Variants in ATRNL1 observed in about 807,000 individuals in gnomAD.
The protein encoded by ATRNL1 is attractin-like protein 1.
ATRNL1 carries 95 observed loss-of-function variants against 182.7 expected under a neutral mutation model. The ratio of observed to expected loss-of-function variants is 0.52; its 90% confidence interval spans 0.44 to 0.62. The LOEUF is 0.62. Among genes scored for constraint, ATRNL1 ranks in the 20% least tolerant of loss-of-function variants. The probability of loss-of-function intolerance (pLI) is 0.00; values close to 1 mark genes in which losing one functional copy is unlikely to be tolerated. For synonymous variants in ATRNL1, 576 were observed against 568.3 expected, an observed-to-expected ratio of 1.01 and a Z score of -0.19; for missense variants, 1,471 against 1,679.5, an observed-to-expected ratio of 0.88 and a Z score of 2.17.
chr10:115,216,683 A>G (rs1032953909), intron 9 of ATRNL1, among the ~76,000 whole-genome samples: 1 of 151,854 alleles, frequency 6.6e-6, no homozygotes, highest in African/African-American at 2.4e-5. Context: ...CTGGGAAATG[A>G]CTTTTTTTTC....
intron 6 of ATRNL1, among the ~76,000 whole-genome samples, chr10:115,161,542 G>T (rs1374782839): frequency 2.6e-5 from 4 of 152,018 alleles, no homozygotes; most frequent in Non-Finnish European, 4.4e-5. Context: ...GTAAGACAAA[G>T]AGCAACATTG....
rs376095311 is a variant in ATRNL1, at chr10:115,096,599, A to G, written c.293+2556A>G. The G allele has an allele frequency of 2.6e-6, 3 of 1,163,220 alleles. No individual in the cohort carries two copies. In the East Asian group the frequency reaches 1.7e-4, roughly 67 times the overall value. The allele number at this position is 1,163,220 out of a possible 1,614,324, so 72.1% of individuals were successfully genotyped here. A position where few individuals can be genotyped will look rare whatever the true frequency, so the allele number is the denominator to read the frequency against. On this transcript the variant is annotated intron_variant, in intron 1 of 28. Transcript: ENST00000355044. ...TCAATCTTGGTAAGCAGGTGTCAAA[A>G]TTAATTGGTTGGCTCCATGGTAACT...
intron 27 of ATRNL1, among the ~76,000 whole-genome samples, chr10:115,844,181 G>C (rs886727441): frequency 2.0e-5 from 3 of 152,116 alleles, no homozygotes; most frequent in African/African-American, 7.2e-5. Flanking sequence ...GTCCTTGAAT[G>C]TTCTACTAAA....
At chr10:115,736,471 G>A (rs943318845) in intron 27 of ATRNL1, among the ~76,000 whole-genome samples, 3 of 151,556 alleles carry the variant, frequency 2.0e-5, no homozygotes, top group East Asian at 3.9e-4. Flanking sequence ...TTTTCATTCC[G>A]AATAAAATTA....
chr10:115,328,891 T>G (rs1855056428), intron 18 of ATRNL1, among the ~76,000 whole-genome samples: 1 of 152,130 alleles, frequency 6.6e-6, no homozygotes, highest in Non-Finnish European at 1.5e-5. Flanking sequence ...ATCCTATATT[T>G]TGGTTATTGT....
rs71895625 is a variant in ATRNL1 at position 115,442,270 on chromosome 10, GCT to G, written c.3322+16001_3322+16002del. Among the ~76,000 whole-genome samples, 387 of 100,202 alleles carry G rather than the reference GCT, an allele frequency of 3.9e-3. 2 individuals carry two copies. Among genetic ancestry groups the G allele is most frequent in the Middle Eastern group, 0.03 (5 of 164 alleles). 65.7% of individuals were successfully genotyped at this position (100,202 alleles called of 152,430 possible). On this transcript the variant is annotated intron_variant, in intron 21 of 28. Transcript: ENST00000355044. ...CGCAGCTTCATTTTCATTTGTGTTT[GCT>G]CTCTCTCTCTCTCTCTCTCTCTCTC...
chr10:115,381,526 G>C (rs1858008129), intron 19 of ATRNL1, among the ~76,000 whole-genome samples: 1 of 150,278 alleles, frequency 6.7e-6, no homozygotes, highest in Non-Finnish European at 1.5e-5. Context: ...GCCCGTCTCG[G>C]CCTTCCAAAG....
In ATRNL1 at chr10:115,720,767, G is replaced by A. The variant is rs567049311; in HGVS notation, c.3796-6481G>A. Among the ~76,000 whole-genome samples, 59 of 152,332 alleles carry A rather than the reference G, an allele frequency of 3.9e-4. 1 individual carries two copies. The South Asian group carries it at 0.011, about 29-fold the overall frequency. On this transcript the variant is annotated intron_variant, in intron 26 of 28. Transcript: ENST00000355044. ...ATAAATGAAATGTTTCCAATTAAAT[G>A]TCTGAGCTTTGAACTAATTCTGCCT...
chr10:115,416,960 A>G (rs539654864), intron 20 of ATRNL1, among the ~76,000 whole-genome samples: 1 of 152,322 alleles, frequency 6.6e-6, no homozygotes, highest in South Asian at 2.1e-4. Context: ...TCTTCACAAC[A>G]ACAAGAACTC....
intron 19 of ATRNL1, among the ~76,000 whole-genome samples, chr10:115,346,755 A>AAGTTC (rs1418549894): frequency 1.5e-4 from 23 of 152,154 alleles, no homozygotes; most frequent in Admixed American, 1.2e-3. Context: ...TGAATTGAAA[A>AAGTTC]AGTTCTATAT....
At chr10:115,448,606 T>C (rs999415388) in intron 21 of ATRNL1, among the ~76,000 whole-genome samples, 2 of 151,486 alleles carry the variant, frequency 1.3e-5, no homozygotes, top group Non-Finnish European at 2.9e-5. Flanking sequence ...ACATCACAAC[T>C]GAAATAATTA....
chr10:115,741,495 A>G (rs1206657696), intron 27 of ATRNL1, among the ~76,000 whole-genome samples: 1 of 152,192 alleles, frequency 6.6e-6, no homozygotes, highest in Admixed American at 6.5e-5. Context: ...TAGCAAATAT[A>G]GGAGCATATC....
intron 20 of ATRNL1, among the ~76,000 whole-genome samples, chr10:115,423,841 C>G (rs1245686816): frequency 1.3e-5 from 2 of 152,146 alleles, no homozygotes; most frequent in Non-Finnish European, 2.9e-5. Flanking sequence ...GGAGGTAACA[C>G]TTTATTACAT....
At chr10:115,880,849 G>A (rs937977441) in intron 28 of ATRNL1, among the ~76,000 whole-genome samples, 2 of 152,142 alleles carry the variant, frequency 1.3e-5, no homozygotes, top group Admixed American at 1.3e-4. Flanking sequence ...AGGTTTGAAA[G>A]GACTGCTTTA....
rs1026713245 is a variant in ATRNL1, at chr10:115,308,373, T to C, written c.2818+6330T>C. ...AGTCCCAAATGTATAAAGGTTCAAA[T>C]GAAAATTCAATTAAATTTGTATAGT... On this transcript the variant is annotated intron_variant, in intron 17 of 28. Coordinates refer to ENST00000355044, the MANE Select transcript of ATRNL1 (RefSeq NM_207303.4). Among the ~76,000 whole-genome samples the C allele has an allele frequency of 9.2e-5, 14 of 152,106 alleles. No homozygotes were observed. The East Asian group carries it at 2.7e-3, about 29-fold the overall frequency.
At chr10:115,867,369 G>A (rs1188102959) in intron 28 of ATRNL1, among the ~76,000 whole-genome samples, 1 of 152,018 alleles carries the variant, frequency 6.6e-6, no homozygotes, top group Non-Finnish European at 1.5e-5. Flanking sequence ...AAGCATTAAC[G>A]TTTTTTCCAT....
chr10:115,803,010 C>T (rs1419661359), intron 27 of ATRNL1, among the ~76,000 whole-genome samples: 1 of 152,070 alleles, frequency 6.6e-6, no homozygotes, highest in Non-Finnish European at 1.5e-5. Flanking sequence ...AGACTTGTTC[C>T]AAAATTACAC....
chr10:115,506,814 T>G (rs1554981441), intron 24 of ATRNL1, among the ~76,000 whole-genome samples: 1 of 152,036 alleles, frequency 6.6e-6, no homozygotes, highest in East Asian at 1.9e-4. Context: ...ATAGGAGATT[T>G]GTGAAAGGTC....
At chr10:115,565,517 T>C in intron 26 of ATRNL1, among the ~76,000 whole-genome samples, 1 of 152,064 alleles carries the variant, frequency 6.6e-6, no homozygotes. Flanking sequence ...TGAGTAATGG[T>C]ACAGACTTAC....
Sources: gnomAD v4.1 joint callset for allele counts (sites outside exome capture counted in the v4.1 genomes callset) on GRCh38, gnomAD v4.1.1 for gene constraint, MANE v1.5 for transcripts, NCBI Gene and HGNC (gene_info 2026-07-23, HGNC 2026-07-21) for gene names.